HSP90AA1: variants seen among roughly 807,000 people sequenced by gnomAD.
HSP90AA1 encodes the protein heat shock protein HSP 90-alpha.
In HSP90AA1, 18 loss-of-function variants were observed where a neutral mutation model predicts 73.3. That is an observed-to-expected ratio of 0.25 (90% CI 0.17 to 0.36). The LOEUF (loss-of-function observed/expected upper bound fraction) is 0.36. HSP90AA1 is among the 10% of genes least tolerant of loss of function. The probability of loss-of-function intolerance (pLI) is 1.00; values close to 1 mark genes in which losing one functional copy is unlikely to be tolerated. For synonymous variants in HSP90AA1, 477 were observed against 296.9 expected (o/e 1.61, Z -6.24); for missense variants, 704 against 874.2 (o/e 0.81, Z 2.45).
chr14:102,134,678 C>T (rs543426261), intron 1 of HSP90AA1, among the ~76,000 whole-genome samples: 4 of 152,050 alleles, frequency 2.6e-5, no homozygotes, highest in African/African-American at 7.2e-5. Context: ...CCGGTGGGCT[C>T]GTGGTCTTGC....
At chr14:102,130,882 A>G (rs561161280) in intron 1 of HSP90AA1, among the ~76,000 whole-genome samples, 33 of 151,954 alleles carry the variant, frequency 2.2e-4, no homozygotes, top group Non-Finnish European at 4.1e-4. Context: ...CCACCACGCT[A>G]ATTTTTAAAT....
upstream of HSP90AA1, chr14:102,087,089 C>T (rs886461144): frequency 2.0e-6 from 2 of 984,428 alleles, no homozygotes; most frequent in Non-Finnish European, 2.4e-6. Context: ...CGGGCCCGCC[C>T]AGCGCGCGGC....
At chr14:102,135,928 C>T (rs1254884820) in intron 1 of HSP90AA1, among the ~76,000 whole-genome samples, 1 of 152,194 alleles carries the variant, frequency 6.6e-6, no homozygotes. Flanking sequence ...GGAGTGGGCT[C>T]CAGCCTTGGC....
chr14:102,086,809 G>A (rs1199565599), intron 1 of HSP90AA1, among the ~76,000 whole-genome samples, 177 bp downstream of exon 1: 1 of 151,724 alleles, frequency 6.6e-6, no homozygotes, highest in Non-Finnish European at 1.5e-5. Flanking sequence ...TTCCTGAAGC[G>A]GGGTGCGGAA....
At chr14:102,102,348 T>C (rs1364844312) in intron 1 of HSP90AA1, among the ~76,000 whole-genome samples, 2 of 152,234 alleles carry the variant, frequency 1.3e-5, no homozygotes, top group African/African-American at 2.4e-5. Context: ...AGTGCTTCTC[T>C]GGGTGGCCAG....
exon 1 of HSP90AA1, chr14:102,139,669 C>T: frequency 1.5e-6 from 1 of 653,320 alleles, no homozygotes. Context: ...GCAGCCATGC[C>T]GCCCGGAGGC....
intron 7 of HSP90AA1, 38 bp downstream of exon 7, chr14:102,083,755 A>G (rs1365637856): frequency 6.3e-7 from 1 of 1,579,146 alleles, no homozygotes; most frequent in Admixed American, 1.7e-5. Flanking sequence ...AAAAAACTAA[A>G]GAGGCCAATT....
chr14:102,135,373 C>T (rs905412485), intron 1 of HSP90AA1, among the ~76,000 whole-genome samples: 12 of 152,236 alleles, frequency 7.9e-5, no homozygotes, highest in African/African-American at 2.9e-4. Context: ...TAGCTAGATA[C>T]AGAGTGTGGA....
rs2049097323 is a variant in HSP90AA1 at position 102,081,489 on chromosome 14, A to C, written c.*223T>G. ...ACAGTGCACGTTACCCCAATCTGTGAAAATAAACCAACATGAAACTCAAAA... is the reference window on the plus strand; with the variant it reads ...ACAGTGCACGTTACCCCAATCTGTGCAAATAAACCAACATGAAACTCAAAA... On this transcript the variant is annotated 3_prime_UTR_variant, in exon 11 of 11. Coordinates refer to ENST00000216281, the MANE Select transcript of HSP90AA1 (RefSeq NM_005348.4). 6.8e-6 allele frequency: 4 copies of C among 590,876 alleles called. No individual in the cohort carries two copies. The highest frequency in any genetic ancestry group is 1.2e-5 in the Non-Finnish European group (4 of 332,766). 36.6% of individuals were successfully genotyped at this position (590,876 alleles called of 1,614,324 possible).
intron 6 of HSP90AA1, 116 bp downstream of exon 6, chr14:102,084,283 T>C: frequency 1.1e-6 from 1 of 938,258 alleles, no homozygotes; most frequent in African/African-American, 1.6e-5. Flanking sequence ...TGACCTCAAG[T>C]GATCTGCCCA....
At chr14:102,108,599 G>A (rs1245737171) in intron 1 of HSP90AA1, among the ~76,000 whole-genome samples, 1 of 146,062 alleles carries the variant, frequency 6.8e-6, no homozygotes, top group Non-Finnish European at 1.5e-5. Flanking sequence ...GCAATGGCGT[G>A]ATCTTGGCTT....
chr14:102,119,053 CTA>C (rs2049742669), intron 1 of HSP90AA1, among the ~76,000 whole-genome samples: 3 of 152,138 alleles, frequency 2.0e-5, no homozygotes, highest in African/African-American at 7.2e-5. Context: ...TGAGGTTTCA[CTA>C]TGTTGCCCAT....
chr14:102,093,233 G>A (rs974049787), intron 2 of HSP90AA1, among the ~76,000 whole-genome samples: 8 of 149,456 alleles, frequency 5.4e-5, no homozygotes, highest in African/African-American at 1.5e-4. Flanking sequence ...AAAAAAGGCC[G>A]GGTGCAGTGG....
At chr14:102,088,902 CTTTTCTTTTTTT>C (rs1201065216), upstream of HSP90AA1, among the ~76,000 whole-genome samples, 31 of 55,020 alleles carry the variant, frequency 5.6e-4, no homozygotes, top group African/African-American at 1.1e-3. Flanking sequence ...TCTTTTTTTT[CTTTTCTTTTTTT>C]TTTTTTTTTA....
Position 102,083,884 on chromosome 14 carries a change from A to C in HSP90AA1, c.1247T>G (p.Leu416Trp). The C allele has an allele frequency of 6.2e-7, 1 of 1,613,994 alleles. No homozygotes were observed. Among genetic ancestry groups the C allele is most frequent in the Non-Finnish European group, 8.5e-7 (1 of 1,179,922 alleles). The change falls in exon 7 of 11, where the codon TTG (leucine) becomes TGG (tryptophan). Residue 416 changes from leucine (L) to tryptophan (W), a missense_variant. By Grantham distance (61) the Leu-to-Trp change is moderately conservative (BLOSUM62 -2). Coordinates refer to ENST00000216281, the MANE Select transcript of HSP90AA1 (RefSeq NM_005348.4). Reference protein sequence around the residue: ...SKILKVIRKNLVKKCLELFTE... With the variant: ...SKILKVIRKNWVKKCLELFTE... ...AAAGAGTTCTAAGCATTTTTTGACCAAATTCTTCCTGATAACTTTCAAAAT... is the reference window on the plus strand; with the variant it reads ...AAAGAGTTCTAAGCATTTTTTGACCCAATTCTTCCTGATAACTTTCAAAAT...
In HSP90AA1 at chr14:102,084,993, C is replaced by T. The variant is rs773797358; in HGVS notation, c.669G>A (p.Glu223=). 3.7e-6 allele frequency: 6 copies of T among 1,613,580 alleles called. No individual in the cohort carries two copies. Among genetic ancestry groups the T allele is most frequent in the Middle Eastern group, 1.6e-4 (1 of 6,080 alleles). ...FIGYPITLFV[E]KERDKEVSDD... ...CGCTTACTTCTTTATCACGTTCCTTCTCCACCTTCAAAAGAAAACACGAAA... is the reference window on the plus strand; with the variant it reads ...CGCTTACTTCTTTATCACGTTCCTTTTCCACCTTCAAAAGAAAACACGAAA... The change falls in exon 5 of 11, where the codon GAG becomes GAA. Residue 223 remains glutamate, a synonymous_variant. Coordinates refer to ENST00000216281, the MANE Select transcript of HSP90AA1 (RefSeq NM_005348.4).
At chr14:102,107,918 G>T (rs951697442) in intron 1 of HSP90AA1, among the ~76,000 whole-genome samples, 1 of 150,276 alleles carries the variant, frequency 6.7e-6, no homozygotes, top group South Asian at 2.1e-4. Flanking sequence ...TTCTGTAATT[G>T]TATACCCTAT....
intron 1 of HSP90AA1, among the ~76,000 whole-genome samples, chr14:102,104,455 C>T (rs544466834): frequency 3.9e-5 from 6 of 152,168 alleles, no homozygotes; most frequent in South Asian, 2.1e-4. Context: ...TCAAGTGATC[C>T]GCCTACCTTA....
At chr14:102,139,377 A>G in exon 1 of HSP90AA1, 1 of 1,594,598 alleles carries the variant, frequency 6.3e-7, no homozygotes, top group South Asian at 1.1e-5. Context: ...GGAGGGGTGG[A>G]GCCGTCCCCG....
Sources: allele counts gnomAD v4.1 joint callset (sites outside exome capture counted in the v4.1 genomes callset), GRCh38; gene constraint gnomAD v4.1.1; transcripts MANE v1.5; gene names NCBI Gene and HGNC (gene_info 2026-07-23, HGNC 2026-07-21).